Variants in LRRC4B observed in about 807,000 individuals in gnomAD.
LRRC4B encodes the protein leucine rich repeat containing 4B.
In LRRC4B, 1 loss-of-function variant was observed where a neutral mutation model predicts 7.3. The ratio of observed to expected loss-of-function variants is 0.14; its 90% CI spans 0.05 to 0.65. The LOEUF is 0.65. Among genes scored for constraint, LRRC4B ranks in the 30% least tolerant of loss-of-function variants. The pLI is 0.84. For synonymous variants in LRRC4B, 500 were observed against 499.2 expected, an observed-to-expected ratio of 1.00 and a Z score of -0.02; for missense variants, 730 against 1,041.6, an observed-to-expected ratio of 0.70 and a Z score of 4.12.
At chr19:50,540,513 T>C (rs531948179) in intron 2 of LRRC4B, among the ~76,000 whole-genome samples, 5 of 152,058 alleles carry the variant, frequency 3.3e-5, no homozygotes, top group Non-Finnish European at 5.9e-5. Context: ...CCTGCCACCA[T>C]GCCTGGGTTA....
At position 50,554,280 on chromosome 19, in the gene LRRC4B, C is replaced by T. The variant is rs187375752; in HGVS notation, c.-35-5407G>A. ...AAAGTGCTGGGATGACAGGTGTGGG[C>T]CACCGTACCTGGCCGAGGAAGCACA... On this transcript the variant is annotated intron_variant, in intron 1 of 2. Transcript: ENST00000652263. 7.9e-4 allele frequency among the ~76,000 whole-genome samples: 120 copies of T among 152,184 alleles called. 1 individual carries two copies. Among genetic ancestry groups the T allele is most frequent in the Middle Eastern group, 3.4e-3 (1 of 294 alleles).
intron 2 of LRRC4B, among the ~76,000 whole-genome samples, chr19:50,536,399 C>G (rs1316467809): frequency 6.6e-6 from 1 of 152,216 alleles, no homozygotes; most frequent in East Asian, 1.9e-4. Context: ...TCCCGAAGTG[C>G]TAGGATTACA....
At position 50,517,916 on chromosome 19, in the gene LRRC4B, C is replaced by A; in HGVS notation, c.1797G>T (p.Leu599=). ...AAVMLVAFYK[L]RKQHQLHKHH... ...GCTTGTGGAGCTGGTGCTGCTTGCG[C>A]AGCTTGTAGAAGGCCACGAGCATCA... Residue 599 remains leucine (L), a synonymous_variant, in exon 3 of 3, where the codon CTG becomes CTT. Coordinates refer to ENST00000652263, the MANE Select transcript of LRRC4B (RefSeq NM_001080457.2). This position sits in a 1 kb window ranked among gnomAD's most constrained non-coding sequence, Gnocchi z 6.6. 1 of 1,579,246 alleles carries A rather than the reference C, an allele frequency of 6.3e-7. No individual in the cohort carries two copies.
At chr19:50,530,361 C>T (rs1981003085) in intron 2 of LRRC4B, among the ~76,000 whole-genome samples, 1 of 152,208 alleles carries the variant, frequency 6.6e-6, no homozygotes, top group South Asian at 2.1e-4. Context: ...ACTCGCAGCC[C>T]TCACTCGGAT....
At chr19:50,566,458 CG>C (rs923270675) in intron 1 of LRRC4B, among the ~76,000 whole-genome samples, 2 of 151,362 alleles carry the variant, frequency 1.3e-5, no homozygotes, top group African/African-American at 4.9e-5. Flanking sequence ...TTCCCCACCC[CG>C]ACAGAAAGTC....
At chr19:50,566,211 T>C (rs914495483) in intron 1 of LRRC4B, among the ~76,000 whole-genome samples, 17 of 138,598 alleles carry the variant, frequency 1.2e-4, no homozygotes, top group Non-Finnish European at 1.7e-4. Flanking sequence ...GGGCGGGAGT[T>C]TTCAGGCTCC....
At chr19:50,529,620 T>C (rs756639429) in intron 2 of LRRC4B, among the ~76,000 whole-genome samples, 1 of 151,964 alleles carries the variant, frequency 6.6e-6, no homozygotes. Context: ...GCCTGGCCAA[T>C]GTGGTGAAAC....
In LRRC4B at chr19:50,553,290, C is replaced by A. The variant is rs573553683; in HGVS notation, c.-35-4417G>T. On this transcript the variant is annotated intron_variant, in intron 1 of 2. Transcript: ENST00000652263. This position sits in a 1 kb window ranked among gnomAD's most constrained non-coding sequence, Gnocchi z 4.2. Reference sequence around the variant, plus strand: ...GGGTATCCTGTCAACACCCCATGGACCCTGCCCCGCCTCTGCTCCACAGCC... The same window carrying A: ...GGGTATCCTGTCAACACCCCATGGAACCTGCCCCGCCTCTGCTCCACAGCC... Among the ~76,000 whole-genome samples the A allele has an allele frequency of 6.6e-6, 1 of 152,264 alleles. No homozygotes were observed. The highest frequency in any genetic ancestry group is 1.9e-4 in the East Asian group (1 of 5,178).
chr19:50,556,676 C>G lies in LRRC4B; in HGVS notation c.-35-7803G>C, dbSNP rs1982286325. Among the ~76,000 whole-genome samples the G allele has an allele frequency of 6.6e-6, 1 of 152,200 alleles. No homozygotes were observed. Among genetic ancestry groups the G allele is most frequent in the Non-Finnish European group, 1.5e-5 (1 of 68,030 alleles). ...CCTGAGGGCTTTGCCGCGGCGTCCA[C>G]GGCTGCATCCTCAAGGCCGGCCAAC... On this transcript the variant is annotated intron_variant, in intron 1 of 2. Coordinates refer to ENST00000652263, the MANE Select transcript of LRRC4B (RefSeq NM_001080457.2). This position sits in a 1 kb window ranked among gnomAD's most constrained non-coding sequence, Gnocchi z 4.2.
chr19:50,539,040 C>T (rs911995181), intron 2 of LRRC4B, among the ~76,000 whole-genome samples: 1 of 151,538 alleles, frequency 6.6e-6, no homozygotes, highest in Non-Finnish European at 1.5e-5. Context: ...CCACCACACC[C>T]GGCTAATTTT....
rs1982546744 is a variant in LRRC4B, at chr19:50,563,899, G to A, written c.-36+4045C>T. The stretch of plus-strand genomic sequence containing the variant: ...AAGACTCTTCCTGCTCTCGGCAAGG[G>A]AAGGAGGCCATTTAAGTGGAAACAG... On this transcript the variant is annotated intron_variant, in intron 1 of 2. Transcript: ENST00000652263. The surrounding 1 kb of genome is among the most constrained non-coding windows in gnomAD (Gnocchi z 4.9). Among the ~76,000 whole-genome samples the A allele has an allele frequency of 6.6e-6, 1 of 152,194 alleles. No individual in the cohort carries two copies. Among genetic ancestry groups the A allele is most frequent in the Non-Finnish European group, 1.5e-5 (1 of 68,038 alleles).
In LRRC4B at chr19:50,519,511, G is replaced by T; in HGVS notation, c.298-96C>A. 6.9e-7 allele frequency: 1 copy of T among 1,450,462 alleles called. No individual in the cohort carries two copies. The highest frequency in any genetic ancestry group is 9.0e-7 in the Non-Finnish European group (1 of 1,105,636). The allele number at this position is 1,450,462 out of a possible 1,614,324, so 89.8% of individuals were successfully genotyped here. On this transcript the variant is annotated intron_variant, in intron 2 of 2. Transcript: ENST00000652263. The surrounding 1 kb of genome is among the most constrained non-coding windows in gnomAD (Gnocchi z 8.1). Reference sequence around the variant, plus strand: ...GGGCGCAGGTGGGGCCGTGTGGCTGGATCTCCCGTGCTGTGCTGTGACGGT... The same window carrying T: ...GGGCGCAGGTGGGGCCGTGTGGCTGTATCTCCCGTGCTGTGCTGTGACGGT...
At chr19:50,520,248 G>GAAAAAAAAAAAAAAAAAAAAAAAAAAA (rs1163666534) in intron 2 of LRRC4B, among the ~76,000 whole-genome samples, 2 of 14,452 alleles carry the variant, frequency 1.4e-4, no homozygotes, top group Non-Finnish European at 2.2e-4. Flanking sequence ...AAAAAAAAAA[G>GAAAAAAAAAAAAAAAAAAAAAAAAAAA]AAGAAAAGAA....
Position 50,568,284 on chromosome 19 carries a change from C to T in LRRC4B, c.-376G>A, listed in dbSNP as rs898042700. Among the ~76,000 whole-genome samples the T allele has an allele frequency of 6.6e-6, 1 of 151,588 alleles. No individual in the cohort carries two copies. The highest frequency in any genetic ancestry group is 2.4e-5 in the African/African-American group (1 of 41,276). Reference sequence around the variant, plus strand: ...CCTGGCTTCCTTCCTTCCAGCCTTCCTTCCTTCCTTCCTCCCTCCTCGGGC... The same window carrying T: ...CCTGGCTTCCTTCCTTCCAGCCTTCTTTCCTTCCTTCCTCCCTCCTCGGGC... On this transcript the variant is annotated 5_prime_UTR_variant, in exon 1 of 3. Coordinates refer to ENST00000652263, the MANE Select transcript of LRRC4B (RefSeq NM_001080457.2).
intron 1 of LRRC4B, among the ~76,000 whole-genome samples, chr19:50,561,198 G>A (rs1982450570): frequency 6.7e-6 from 1 of 148,838 alleles, no homozygotes; most frequent in South Asian, 2.2e-4. Context: ...CTCTGCCATT[G>A]TAAATCCAGC....
At position 50,548,064 on chromosome 19, in the gene LRRC4B, C is replaced by T. The variant is rs1599779033; in HGVS notation, c.297+478G>A. ...AGCTAACGCCCCAATAAGTACCAGACCCATCAGCCCTCACAGCAACACCTC... is the reference window on the plus strand; with the variant it reads ...AGCTAACGCCCCAATAAGTACCAGATCCATCAGCCCTCACAGCAACACCTC... On this transcript the variant is annotated intron_variant, in intron 2 of 2. Coordinates refer to ENST00000652263, the MANE Select transcript of LRRC4B (RefSeq NM_001080457.2). The surrounding 1 kb of genome is among the most constrained non-coding windows in gnomAD (Gnocchi z 6.8). 6.6e-6 allele frequency among the ~76,000 whole-genome samples: 1 copy of T among 152,324 alleles called. No homozygotes were observed. The highest frequency in any genetic ancestry group is 3.4e-3 in the Middle Eastern group (1 of 294).
chr19:50,530,335 C>T (rs985535364), intron 2 of LRRC4B, among the ~76,000 whole-genome samples: 2 of 152,324 alleles, frequency 1.3e-5, no homozygotes, highest in East Asian at 1.9e-4. Flanking sequence ...CCCCATTCCC[C>T]TCTGCATGGC....
At chr19:50,542,524 G>A (rs1223945433) in intron 2 of LRRC4B, among the ~76,000 whole-genome samples, 3 of 148,596 alleles carry the variant, frequency 2.0e-5, no homozygotes, top group African/African-American at 5.0e-5. Context: ...TCACTCAGGC[G>A]GGAGTGCATT....
intron 1 of LRRC4B, among the ~76,000 whole-genome samples, chr19:50,567,148 G>A (rs1982655432): frequency 1.3e-5 from 2 of 151,084 alleles, no homozygotes; most frequent in African/African-American, 2.4e-5. Context: ...GGGGTCTCCA[G>A]GAGGAGAGGT....
Sources: gnomAD v4.1 joint callset for allele counts (sites outside exome capture counted in the v4.1 genomes callset) on GRCh38, gnomAD v4.1.1 for gene constraint, Gnocchi (gnomAD v3.1) non-coding constraint, MANE v1.5 for transcripts, NCBI Gene and HGNC (gene_info 2026-07-23, HGNC 2026-07-21) for gene names.